Variants in TDRKH observed in about 807,000 individuals in gnomAD.
TDRKH encodes tudor and KH domain-containing protein.
Under a neutral mutation model 61.3 loss-of-function variants are expected in TDRKH, and 28 were observed. The observed-to-expected ratio is 0.46, with a 90% CI of 0.34 to 0.63. TDRKH has a LOEUF of 0.63. Among genes scored for constraint, TDRKH ranks in the 20% least tolerant of loss-of-function variants. The pLI, the probability that TDRKH is intolerant of heterozygous loss-of-function variation, is 0.01. For synonymous variants in TDRKH, 219 were observed against 244.4 expected, an observed-to-expected ratio of 0.90 and a Z score of 0.97; for missense variants, 540 against 683.4, an observed-to-expected ratio of 0.79 and a Z score of 2.34.
Position 151,774,433 on chromosome 1 carries a change from G to C in TDRKH, c.*19C>G. The C allele has an allele frequency of 6.2e-7, 1 of 1,613,696 alleles. No homozygotes were observed. Among genetic ancestry groups the C allele is most frequent in the Non-Finnish European group, 8.5e-7 (1 of 1,179,724 alleles). On this transcript the variant is annotated 3_prime_UTR_variant, in exon 13 of 13. Transcript: ENST00000368824. ...CTCACACAGCAAAGCAGATGGCTGA[G>C]CAAACTGAAGCCCAGACTTCAGAGT...
chr1:151,784,005 A>G (rs190807216), intron 1 of TDRKH, among the ~76,000 whole-genome samples: 76 of 152,254 alleles, frequency 5.0e-4, no homozygotes, highest in South Asian at 1.7e-3. Context: ...CTTATTCCAC[A>G]TAGTTTCTCA....
downstream of TDRKH, chr1:151,771,391 C>A: frequency 7.4e-7 from 1 of 1,347,022 alleles, no homozygotes; most frequent in Non-Finnish European, 9.6e-7. Context: ...GGGATATACA[C>A]CTTAACAGAG....
chr1:151,775,652 T>G (rs1287942527), intron 9 of TDRKH, 109 bp from the exon 10 acceptor site: 1 of 1,518,476 alleles, frequency 6.6e-7, no homozygotes, highest in Non-Finnish European at 8.9e-7. Context: ...CTTCTCTGGT[T>G]GGGTTGGGTC....
chr1:151,767,355 G>C (rs768769346), downstream of TDRKH: 105 of 1,583,554 alleles, frequency 6.6e-5, no homozygotes, highest in Non-Finnish European at 8.6e-5. Context: ...TGCATACCTT[G>C]CAGAGGAGGG....
chr1:151,782,860 C>T, intron 2 of TDRKH, 39 bp downstream of exon 2: 1 of 1,519,548 alleles, frequency 6.6e-7, no homozygotes. Context: ...AGGAGCATGT[C>T]TGAACATTTT....
chr1:151,784,182 G>T (rs1363792728), intron 1 of TDRKH, among the ~76,000 whole-genome samples: 4 of 152,130 alleles, frequency 2.6e-5, no homozygotes, highest in Non-Finnish European at 5.9e-5. Flanking sequence ...GTTCTCTCCT[G>T]TGACCACAGA....
downstream of TDRKH, chr1:151,770,302 G>T: frequency 6.3e-7 from 1 of 1,591,802 alleles, no homozygotes; most frequent in South Asian, 1.1e-5. Context: ...TGAGGCAGCT[G>T]GATAACTCCT....
chr1:151,775,206 A>T, intron 10 of TDRKH, 40 bp from the exon 11 acceptor site: 1 of 1,606,350 alleles, frequency 6.2e-7, no homozygotes, highest in African/African-American at 1.3e-5. Context: ...TTCTCTCAGT[A>T]AGCAAGGGCA....
At position 151,781,239 on chromosome 1, in the gene TDRKH, C is replaced by G. The variant is rs1649735557; in HGVS notation, c.231+242G>C. On this transcript the variant is annotated intron_variant, in intron 3 of 12. Transcript: ENST00000368824. ...GGCTGAGGCAGGAGAATCACTTGAA[C>G]CCAGGAGGCGGATGTTGCAGTGAGC... Among the ~76,000 whole-genome samples, 4 of 150,262 alleles carry G rather than the reference C, an allele frequency of 2.7e-5. 1 individual carries two copies. In the South Asian group the frequency reaches 8.4e-4, roughly 32 times the overall value.
downstream of TDRKH, among the ~76,000 whole-genome samples, chr1:151,769,943 G>GC (rs750078498): frequency 6.6e-6 from 1 of 151,998 alleles, no homozygotes; most frequent in Non-Finnish European, 1.5e-5. Flanking sequence ...ATGGCGGCAC[G>GC]CGCCTGCAAT....
At chr1:151,786,263 A>T (rs926115231) in intron 1 of TDRKH, among the ~76,000 whole-genome samples, 1 of 152,190 alleles carries the variant, frequency 6.6e-6, no homozygotes, top group African/African-American at 2.4e-5. Flanking sequence ...ATCCTCTCTT[A>T]TCCTCGAGGA....
chr1:151,781,026 T>C (rs1649708525), intron 3 of TDRKH, among the ~76,000 whole-genome samples: 2 of 151,420 alleles, frequency 1.3e-5, no homozygotes, highest in Non-Finnish European at 3.0e-5. Flanking sequence ...TTTAAAAATA[T>C]ACATAGTGGT....
At chr1:151,770,802 A>G (rs1256612969), downstream of TDRKH, among the ~76,000 whole-genome samples, 1 of 152,220 alleles carries the variant, frequency 6.6e-6, no homozygotes, top group Non-Finnish European at 1.5e-5. Context: ...CACTTCATGA[A>G]CATCTCATTT....
downstream of TDRKH, among the ~76,000 whole-genome samples, chr1:151,772,333 C>T (rs1212299518): frequency 4.6e-5 from 7 of 152,148 alleles, no homozygotes; most frequent in Admixed American, 1.3e-4. Flanking sequence ...CTCAAGCAAT[C>T]TGCCCGCCTC....
downstream of TDRKH, chr1:151,771,372 G>T: frequency 6.9e-7 from 1 of 1,439,800 alleles, no homozygotes. Flanking sequence ...TAATAGGGTT[G>T]ACTGGAGTGG....
At chr1:151,770,100 GGGAGAC>G (rs943243355), downstream of TDRKH, 7 of 453,876 alleles carry the variant, frequency 1.5e-5, no homozygotes, top group South Asian at 9.2e-5. Flanking sequence ...GGAGACCATG[GGGAGAC>G]GGAGACGGAG....
rs187423126 is a variant in TDRKH, at chr1:151,788,238, C to T, written c.-28+2142G>A. On this transcript the variant is annotated intron_variant, in intron 1 of 12. Transcript: ENST00000368824. ...TGAAAATCATCTCATTAAAATACAA[C>T]TCACTTTTCTTCCGCAAACCTATAC... Among the ~76,000 whole-genome samples the T allele has an allele frequency of 1.4e-4, 22 of 152,310 alleles. 1 individual carries two copies. Among genetic ancestry groups the T allele is most frequent in the African/African-American group, 5.3e-4 (22 of 41,564 alleles).
chr1:151,787,787 C>T (rs1446142157), intron 1 of TDRKH, among the ~76,000 whole-genome samples: 1 of 105,132 alleles, frequency 9.5e-6, no homozygotes, highest in Non-Finnish European at 1.7e-5. Flanking sequence ...GCCTGGGCAA[C>T]ATAGTGAGAC....
chr1:151,770,419 T>G, downstream of TDRKH: 8 of 1,017,916 alleles, frequency 7.9e-6, no homozygotes, highest in South Asian at 1.6e-5. Context: ...TTGTAACTTG[T>G]TCCATCAAGT....
Sources: gnomAD v4.1 joint callset for allele counts (sites outside exome capture counted in the v4.1 genomes callset) on GRCh38, gnomAD v4.1.1 for gene constraint, MANE v1.5 for transcripts, NCBI Gene and HGNC (gene_info 2026-07-23, HGNC 2026-07-21) for gene names.